Variants in MYO10 observed in about 807,000 individuals in gnomAD.
The protein encoded by MYO10 is myosin X.
A neutral mutation model predicts 257.3 loss-of-function variants in MYO10; 133 were observed. That is an observed-to-expected ratio of 0.52 (90% CI 0.45 to 0.60). The LOEUF is 0.60. MYO10 is among the 20% of genes least tolerant of loss of function. The pLI is 0.00. For missense variants in MYO10, 2,399 were observed against 2,635.7 expected, an observed-to-expected ratio of 0.91 and a Z score of 1.97; for synonymous variants, 1,104 against 1,028.6, an observed-to-expected ratio of 1.07 and a Z score of -1.40.
chr5:16,675,346 C>G (rs1736676709), intron 34 of MYO10, among the ~76,000 whole-genome samples, 196 bp from the exon 35 acceptor site: 1 of 152,144 alleles, frequency 6.6e-6, no homozygotes, highest in African/African-American at 2.4e-5. Context: ...GTTTTGTTAT[C>G]TAATTGAACT....
At chr5:16,792,834 GA>G (rs1363704267) in intron 4 of MYO10, among the ~76,000 whole-genome samples, 1 of 152,118 alleles carries the variant, frequency 6.6e-6, no homozygotes, top group African/African-American at 2.4e-5. Context: ...CACTGAATCG[GA>G]AATCCGGAGA....
Position 16,701,204 on chromosome 5 carries a change from T to G in MYO10, c.3191A>C (p.His1064Pro). The change falls in exon 25 of 41, where the codon CAC (histidine) becomes CCC (proline). Residue 1064 changes from histidine (H) to proline (P), a missense_variant. His to Pro is a moderately conservative substitution (Grantham distance 77, BLOSUM62 -2). Transcript: ENST00000513610. The surrounding 1 kb of genome is among the most constrained non-coding windows in gnomAD (Gnocchi z 8.1). ...GGTGGACTCGCCGCTGGAGGAGTTGTGTAGGCTCCCGGAGTCCTGCACTGA... is the reference window on the plus strand; with the variant it reads ...GGTGGACTCGCCGCTGGAGGAGTTGGGTAGGCTCCCGGAGTCCTGCACTGA... ...APSVQDSGSL[H>P]NSSSGESTYC... 6.2e-7 allele frequency: 1 copy of G among 1,611,212 alleles called. No individual in the cohort carries two copies. The highest frequency in any genetic ancestry group is 8.5e-7 in the Non-Finnish European group (1 of 1,178,758).
chr5:16,785,308 G>A (rs1263856513), intron 4 of MYO10, among the ~76,000 whole-genome samples: 2 of 152,166 alleles, frequency 1.3e-5, no homozygotes, highest in African/African-American at 4.8e-5. Flanking sequence ...TGCCTGGCAC[G>A]GGGGAGGCAT....
chr5:16,671,360 G>T, intron 38 of MYO10, 62 bp downstream of exon 38: 1 of 1,584,870 alleles, frequency 6.3e-7, no homozygotes. Context: ...ACAAGGCTAA[G>T]TATTAACAGG....
At chr5:16,861,109 T>C (rs148893633) in intron 2 of MYO10, among the ~76,000 whole-genome samples, 1 of 151,944 alleles carries the variant, frequency 6.6e-6, no homozygotes, top group Non-Finnish European at 1.5e-5. Context: ...AGGCCCTTGG[T>C]AGAAGCTTCC....
intron 1 of MYO10, among the ~76,000 whole-genome samples, chr5:16,890,291 G>C (rs558031702): frequency 8.6e-5 from 13 of 151,964 alleles, no homozygotes; most frequent in African/African-American, 2.7e-4. Flanking sequence ...CTAAGAATGT[G>C]AAATGATGCA....
At chr5:16,888,455 T>C (rs1200982087) in intron 1 of MYO10, among the ~76,000 whole-genome samples, 2 of 151,582 alleles carry the variant, frequency 1.3e-5, no homozygotes, top group African/African-American at 4.9e-5. Context: ...ATTAGCTGGG[T>C]GTGGTGGTGC....
In MYO10 at chr5:16,779,315, A is replaced by G. The variant is rs191761581; in HGVS notation, c.930+230T>C. Among the ~76,000 whole-genome samples, 10 of 152,236 alleles carry G rather than the reference A, an allele frequency of 6.6e-5. No homozygotes were observed. In the East Asian group the frequency reaches 1.9e-3, roughly 29 times the overall value. ...AAACTGCCCATCTGCCCTGAATGAC[A>G]CATTCGCTCATCTTCTAAGGAAAGA... On this transcript the variant is annotated intron_variant, in intron 9 of 40. Transcript: ENST00000513610.
intron 19 of MYO10, among the ~76,000 whole-genome samples, chr5:16,728,077 T>C (rs1411267992): frequency 2.0e-5 from 3 of 152,186 alleles, no homozygotes; most frequent in Admixed American, 6.5e-5. Context: ...GAGCGTGTGA[T>C]TGAATGCTTC....
intron 3 of MYO10, among the ~76,000 whole-genome samples, chr5:16,806,630 AG>A (rs1165639497): frequency 4.1e-5 from 6 of 145,986 alleles, no homozygotes; most frequent in African/African-American, 1.6e-4. Flanking sequence ...CCTGGGCGAC[AG>A]AGCAAGACTC....
At chr5:16,826,515 G>A (rs1743005431) in intron 2 of MYO10, among the ~76,000 whole-genome samples, 1 of 152,208 alleles carries the variant, frequency 6.6e-6, no homozygotes, top group African/African-American at 2.4e-5. Flanking sequence ...GTCTCAGGGA[G>A]TGCGGCAGGA....
At chr5:16,744,586 G>A (rs1298467025) in intron 19 of MYO10, among the ~76,000 whole-genome samples, 1 of 152,140 alleles carries the variant, frequency 6.6e-6, no homozygotes, top group African/African-American at 2.4e-5. Context: ...TGTGCCCTTG[G>A]TGCAGGACAT....
intron 1 of MYO10, among the ~76,000 whole-genome samples, chr5:16,885,167 C>G (rs1347171487): frequency 6.6e-6 from 1 of 151,440 alleles, no homozygotes; most frequent in Non-Finnish European, 1.5e-5. Flanking sequence ...TAGAAGAACA[C>G]TCTTCCTCCT....
chr5:16,773,453 T>C (rs1018063032), intron 9 of MYO10, among the ~76,000 whole-genome samples: 2 of 152,036 alleles, frequency 1.3e-5, no homozygotes, highest in African/African-American at 2.4e-5. Context: ...ATAACTAATA[T>C]ATAATCATTT....
At chr5:16,871,487 G>A (rs2126756406) in intron 2 of MYO10, among the ~76,000 whole-genome samples, 1 of 152,202 alleles carries the variant, frequency 6.6e-6, no homozygotes, top group South Asian at 2.1e-4. Context: ...TGTGCCCGTG[G>A]TCCCAGCTAC....
At chr5:16,901,301 C>T (rs1309818735) in intron 1 of MYO10, among the ~76,000 whole-genome samples, 1 of 152,122 alleles carries the variant, frequency 6.6e-6, no homozygotes. Flanking sequence ...CGTCAGTCAG[C>T]TTGCTGCATG....
chr5:16,714,571 G>A (rs1054729959), intron 19 of MYO10, among the ~76,000 whole-genome samples: 1 of 152,170 alleles, frequency 6.6e-6, no homozygotes, highest in Non-Finnish European at 1.5e-5. Context: ...TACCACGCAC[G>A]TCATAAAAAT....
chr5:16,854,847 C>T (rs1415324730), intron 2 of MYO10, among the ~76,000 whole-genome samples: 1 of 152,044 alleles, frequency 6.6e-6, no homozygotes, highest in East Asian at 1.9e-4. Flanking sequence ...GCCTGGCTAA[C>T]ATGGTGAAAC....
chr5:16,703,223 G>T, intron 22 of MYO10, 65 bp from the exon 23 acceptor site: 2 of 1,253,446 alleles, frequency 1.6e-6, no homozygotes, highest in Non-Finnish European at 2.2e-6. Context: ...ATTCAAATGA[G>T]CTCACATCAA....
Sources: allele counts gnomAD v4.1 joint callset (sites outside exome capture counted in the v4.1 genomes callset), GRCh38; gene constraint gnomAD v4.1.1; non-coding constraint Gnocchi (gnomAD v3.1); transcripts MANE v1.5; gene names NCBI Gene and HGNC (gene_info 2026-07-23, HGNC 2026-07-21).